The following CADPS2 variants were observed in gnomAD, a reference collection of about 807,000 sequenced individuals.
The protein encoded by CADPS2 is calcium dependent secretion activator 2, also known as calcium-dependent secretion activator 2.
CADPS2 carries 93 observed loss-of-function variants against 172.5 expected under a neutral mutation model. The ratio of observed to expected loss-of-function variants is 0.54; its 90% CI spans 0.46 to 0.64. CADPS2 has a LOEUF of 0.64. Ranked by LOEUF, CADPS2 falls within the 30% of genes least tolerant of loss-of-function variation. The probability of loss-of-function intolerance (pLI) is 0.00; values close to 1 mark genes in which losing one functional copy is unlikely to be tolerated. For missense variants in CADPS2, 1,420 were observed against 1,565.9 expected (o/e 0.91, Z 1.57); for synonymous variants, 546 against 555.2 (o/e 0.98, Z 0.23).
intron 3 of CADPS2, among the ~76,000 whole-genome samples, chr7:122,645,535 T>C (rs1308671865): frequency 7.5e-6 from 1 of 132,770 alleles, no homozygotes; most frequent in East Asian, 2.2e-4. Context: ...TAAGTATATA[T>C]ATATACTTAT....
At position 122,329,983 on chromosome 7, in the gene CADPS2, T is replaced by C. The variant is rs561403773; in HGVS notation, c.3613-4402A>G. 7.2e-5 allele frequency among the ~76,000 whole-genome samples: 11 copies of C among 152,354 alleles called. No homozygotes were observed. In the South Asian group the frequency reaches 1.2e-3, roughly 17 times the overall value. On this transcript the variant is annotated intron_variant, in intron 28 of 29. Transcript: ENST00000449022. Reference sequence around the variant, plus strand: ...TTCTACTTAAGTGTTTAGCTTTTTATTGATTATGAATTGGTACAACTAGTT... The same window carrying C: ...TTCTACTTAAGTGTTTAGCTTTTTACTGATTATGAATTGGTACAACTAGTT...
intron 28 of CADPS2, 39 bp downstream of exon 28, chr7:122,345,535 T>C (rs75984157): frequency 8.3e-6 from 10 of 1,199,854 alleles, no homozygotes; most frequent in East Asian, 4.7e-5. Flanking sequence ...TTGCAGTTTA[T>C]CTATGGTGTC....
chr7:122,635,799 A>C (rs780332027), intron 3 of CADPS2, among the ~76,000 whole-genome samples: 3 of 152,174 alleles, frequency 2.0e-5, no homozygotes, highest in Non-Finnish European at 4.4e-5. Flanking sequence ...TTGGATGTGT[A>C]TATATTTAGG....
At chr7:122,790,716 G>A (rs2139671329) in intron 1 of CADPS2, among the ~76,000 whole-genome samples, 1 of 152,210 alleles carries the variant, frequency 6.6e-6, no homozygotes, top group South Asian at 2.1e-4. Context: ...TATAGCTCAT[G>A]AATACCATCC....
chr7:122,583,484 T>A (rs1411303297), intron 6 of CADPS2, among the ~76,000 whole-genome samples: 4 of 151,840 alleles, frequency 2.6e-5, no homozygotes, highest in Admixed American at 2.0e-4. Flanking sequence ...GCATTTTACC[T>A]TTAAGTGTGA....
intron 1 of CADPS2, among the ~76,000 whole-genome samples, chr7:122,875,185 G>A (rs1820889212): frequency 6.6e-6 from 1 of 152,210 alleles, no homozygotes; most frequent in African/African-American, 2.4e-5. Context: ...CGCATAACTA[G>A]GTGAATATGA....
chr7:122,736,913 A>G, intron 2 of CADPS2, 42 bp downstream of exon 2: 1 of 1,007,714 alleles, frequency 9.9e-7, no homozygotes, highest in Non-Finnish European at 1.5e-6. Context: ...AACTCCTTTT[A>G]AAATGCATCG....
intron 2 of CADPS2, among the ~76,000 whole-genome samples, chr7:122,701,477 T>C (rs145027837): frequency 0.011 from 1,632 of 152,212 alleles, 31 homozygotes; most frequent in African/African-American, 0.037. Context: ...CATTTGGAGA[T>C]ATACCTAATG....
intron 3 of CADPS2, among the ~76,000 whole-genome samples, chr7:122,639,696 G>A (rs1198818582): frequency 6.6e-6 from 1 of 152,100 alleles, no homozygotes; most frequent in Non-Finnish European, 1.5e-5. Context: ...TAATAATGAT[G>A]TGCCCCATTT....
At chr7:122,666,687 G>C (rs950820133) in intron 2 of CADPS2, among the ~76,000 whole-genome samples, 8 of 152,056 alleles carry the variant, frequency 5.3e-5, no homozygotes, top group African/African-American at 1.9e-4. Context: ...GCCGGAGGAC[G>C]TACACTGGAA....
intron 14 of CADPS2, among the ~76,000 whole-genome samples, chr7:122,456,603 C>T (rs894917764): frequency 2.6e-5 from 4 of 152,156 alleles, no homozygotes; most frequent in African/African-American, 7.2e-5. Flanking sequence ...CAAGTGAACA[C>T]CAAGTGCAGT....
intron 9 of CADPS2, among the ~76,000 whole-genome samples, chr7:122,497,438 T>C (rs1342805486): frequency 6.6e-6 from 1 of 152,168 alleles, no homozygotes; most frequent in African/African-American, 2.4e-5. Flanking sequence ...CTCAACAGTA[T>C]AGAAACTATA....
At chr7:122,686,254 T>C (rs1054733085) in intron 2 of CADPS2, among the ~76,000 whole-genome samples, 1 of 152,206 alleles carries the variant, frequency 6.6e-6, no homozygotes, top group Non-Finnish European at 1.5e-5. Context: ...TGGTAGCGGA[T>C]AGAGAAACCA....
intron 1 of CADPS2, among the ~76,000 whole-genome samples, chr7:122,837,841 AAC>A (rs911368664): frequency 6.6e-6 from 1 of 152,204 alleles, no homozygotes; most frequent in Non-Finnish European, 1.5e-5. Context: ...GCTGAATTCT[AAC>A]AGAGGTACAA....
chr7:122,679,797 T>C (rs889270645), intron 2 of CADPS2, among the ~76,000 whole-genome samples: 3 of 152,168 alleles, frequency 2.0e-5, no homozygotes, highest in East Asian at 1.9e-4. Flanking sequence ...AGGACCCACA[T>C]TGAAATATCG....
chr7:122,515,353 G>T (rs558164948), intron 8 of CADPS2, among the ~76,000 whole-genome samples: 1 of 152,006 alleles, frequency 6.6e-6, no homozygotes. Flanking sequence ...TTTCTTCTCT[G>T]TGGTTCTAGT....
intron 2 of CADPS2, chr7:122,702,298 G>A (rs757541231): frequency 1.4e-5 from 23 of 1,613,686 alleles, no homozygotes; most frequent in South Asian, 1.1e-4. Context: ...TCATCACCGC[G>A]ACTATATTTT....
chr7:122,337,671 T>C (rs563705994), intron 28 of CADPS2, among the ~76,000 whole-genome samples: 17 of 151,182 alleles, frequency 1.1e-4, no homozygotes, highest in African/African-American at 4.1e-4. Flanking sequence ...AAATAATAAC[T>C]TAACATTACA....
intron 25 of CADPS2, among the ~76,000 whole-genome samples, chr7:122,374,756 G>C (rs962879177): frequency 7.9e-5 from 12 of 152,130 alleles, no homozygotes; most frequent in African/African-American, 2.2e-4. Flanking sequence ...CTAACATTAG[G>C]AGAGATACCT....
Sources: gnomAD v4.1 joint callset for allele counts (sites outside exome capture counted in the v4.1 genomes callset) on GRCh38, gnomAD v4.1.1 for gene constraint, MANE v1.5 for transcripts, NCBI Gene and HGNC (gene_info 2026-07-23, HGNC 2026-07-21) for gene names.